Variants in GPC6 observed in about 807,000 individuals in gnomAD.
The protein encoded by GPC6 is glypican 6.
In GPC6, 14 loss-of-function variants were observed where a neutral mutation model predicts 55.2. The ratio of observed to expected loss-of-function variants is 0.25; its 90% CI spans 0.17 to 0.40. The LOEUF (loss-of-function observed/expected upper bound fraction) is 0.40. Among genes scored for constraint, GPC6 ranks in the 10% least tolerant of loss-of-function variants. The pLI is 1.00. For missense variants in GPC6, 641 were observed against 708.5 expected, an observed-to-expected ratio of 0.90 and a Z score of 1.08; for synonymous variants, 278 against 259.6, an observed-to-expected ratio of 1.07 and a Z score of -0.68.
rs115048548 is a variant in GPC6, at chr13:94,273,725, G to T, written c.878-12624G>T. Among the ~76,000 whole-genome samples the T allele has an allele frequency of 8.0e-3, 1,221 of 152,224 alleles. 26 individuals carry two copies. The highest frequency in any genetic ancestry group is 0.028 in the African/African-American group (1,153 of 41,526). ...TGTTTACATTTAATGAGTTGCTTTGGGTTGGTCCAAATTAATCCACTAGCT... is the reference window on the plus strand; with the variant it reads ...TGTTTACATTTAATGAGTTGCTTTGTGTTGGTCCAAATTAATCCACTAGCT... On this transcript the variant is annotated intron_variant, in intron 4 of 8. Coordinates refer to ENST00000377047, the MANE Select transcript of GPC6 (RefSeq NM_005708.5).
At chr13:93,576,602 T>C (rs1259045003) in intron 2 of GPC6, among the ~76,000 whole-genome samples, 2 of 152,160 alleles carry the variant, frequency 1.3e-5, no homozygotes, top group East Asian at 1.9e-4. Context: ...TTATTATTGA[T>C]AGTTCAGAAA....
chr13:93,975,080 A>T (rs1207787382), intron 3 of GPC6, among the ~76,000 whole-genome samples: 4 of 151,842 alleles, frequency 2.6e-5, no homozygotes, highest in East Asian at 3.9e-4. Context: ...AGAAATGAAA[A>T]CTCTCCTGGA....
intron 2 of GPC6, among the ~76,000 whole-genome samples, chr13:93,660,848 C>A (rs1169380755): frequency 1.3e-5 from 2 of 152,134 alleles, no homozygotes; most frequent in Non-Finnish European, 2.9e-5. Context: ...TTTATTTTTC[C>A]TTCAAAATGA....
intron 1 of GPC6, among the ~76,000 whole-genome samples, chr13:93,363,023 C>T (rs528558954): frequency 3.3e-5 from 5 of 151,678 alleles, no homozygotes; most frequent in Non-Finnish European, 7.4e-5. Flanking sequence ...TTTTAAATGG[C>T]TGCAAAATGT....
chr13:93,405,546 G>A (rs1026513150), intron 1 of GPC6, among the ~76,000 whole-genome samples: 2 of 152,168 alleles, frequency 1.3e-5, no homozygotes, highest in South Asian at 2.1e-4. Flanking sequence ...CATTTTGTCC[G>A]TGCACACTGG....
At chr13:93,335,605 C>T (rs1566304929) in intron 1 of GPC6, among the ~76,000 whole-genome samples, 1 of 152,152 alleles carries the variant, frequency 6.6e-6, no homozygotes, top group South Asian at 2.1e-4. Flanking sequence ...CCAAATAGGT[C>T]CTCTGACCTC....
At chr13:93,248,418 T>G (rs561791452) in intron 1 of GPC6, among the ~76,000 whole-genome samples, 1 of 149,872 alleles carries the variant, frequency 6.7e-6, no homozygotes, top group African/African-American at 2.5e-5. Flanking sequence ...TTCTGTACTT[T>G]AAAAGGCCCA....
chr13:93,517,073 T>TGCATTCATA (rs1881230971), intron 1 of GPC6, among the ~76,000 whole-genome samples: 3 of 43,334 alleles, frequency 6.9e-5, no homozygotes, highest in Non-Finnish European at 1.8e-4. Flanking sequence ...TATTTTTAGA[T>TGCATTCATA]GCATTCATAG....
chr13:93,560,921 T>A (rs1875750370), intron 2 of GPC6, among the ~76,000 whole-genome samples: 1 of 152,220 alleles, frequency 6.6e-6, no homozygotes, highest in South Asian at 2.1e-4. Flanking sequence ...TTTTCTGCTC[T>A]CTTCCCCAGT....
intron 2 of GPC6, among the ~76,000 whole-genome samples, chr13:93,546,968 C>CA (rs200313448): frequency 3.2e-5 from 4 of 123,804 alleles, no homozygotes; most frequent in Admixed American, 7.7e-5. Flanking sequence ...TATTCTTTAA[C>CA]AAAAAAATAT....
chr13:93,722,841 A>G (rs1487722732), intron 2 of GPC6, among the ~76,000 whole-genome samples: 1 of 151,534 alleles, frequency 6.6e-6, no homozygotes, highest in Non-Finnish European at 1.5e-5. Flanking sequence ...CATCGCTCCA[A>G]TCTCTGCCTC....
intron 2 of GPC6, among the ~76,000 whole-genome samples, chr13:93,623,184 A>G (rs532292355): frequency 6.6e-6 from 1 of 152,258 alleles, no homozygotes; most frequent in African/African-American, 2.4e-5. Context: ...AGTTGACCCT[A>G]TATCTTAGCT....
chr13:93,351,451 G>C (rs1186517163), intron 1 of GPC6, among the ~76,000 whole-genome samples: 1 of 152,066 alleles, frequency 6.6e-6, no homozygotes, highest in Non-Finnish European at 1.5e-5. Context: ...GGAAGGCAGG[G>C]ACAGGGAGAG....
intron 2 of GPC6, among the ~76,000 whole-genome samples, chr13:93,785,557 A>G (rs1394881799): frequency 1.3e-5 from 2 of 152,358 alleles, no homozygotes; most frequent in South Asian, 2.1e-4. Context: ...GGAGAAGGAA[A>G]GAAAAGCAAG....
rs550648234 is a variant in GPC6 at position 93,417,525 on chromosome 13, A to G, written c.161-127738A>G. 2.6e-5 allele frequency among the ~76,000 whole-genome samples: 4 copies of G among 152,222 alleles called. No individual in the cohort carries two copies. In the South Asian group the frequency reaches 6.2e-4, roughly 24 times the overall value. Reference sequence around the variant, plus strand: ...TTCTTTTTCTGTGAGTTACTGTTCCAGTCTGGTTCCTCCTGTGCTGAATTA... The same window carrying G: ...TTCTTTTTCTGTGAGTTACTGTTCCGGTCTGGTTCCTCCTGTGCTGAATTA... On this transcript the variant is annotated intron_variant, in intron 1 of 8. Transcript: ENST00000377047.
At chr13:93,980,779 G>T (rs1034502099) in intron 3 of GPC6, among the ~76,000 whole-genome samples, 1 of 152,150 alleles carries the variant, frequency 6.6e-6, no homozygotes, top group South Asian at 2.1e-4. Context: ...TTGCCCAGAG[G>T]CAGGATTTAC....
chr13:94,302,322 T>A (rs1875693737), intron 5 of GPC6, among the ~76,000 whole-genome samples: 1 of 152,180 alleles, frequency 6.6e-6, no homozygotes, highest in Non-Finnish European at 1.5e-5. Flanking sequence ...CACTGTGTCC[T>A]CACATGAGAC....
At chr13:93,842,703 G>A (rs922491869) in intron 3 of GPC6, among the ~76,000 whole-genome samples, 1 of 151,812 alleles carries the variant, frequency 6.6e-6, no homozygotes, top group Non-Finnish European at 1.5e-5. Context: ...AAATTACTGA[G>A]GAAATTTAAG....
intron 7 of GPC6, among the ~76,000 whole-genome samples, chr13:94,393,398 A>G (rs1378681027): frequency 1.3e-5 from 2 of 152,164 alleles, no homozygotes; most frequent in Admixed American, 1.3e-4. Context: ...GAAGGAAAAA[A>G]TGGGGGGTCT....
Sources: allele counts gnomAD v4.1 joint callset (sites outside exome capture counted in the v4.1 genomes callset), GRCh38; gene constraint gnomAD v4.1.1; transcripts MANE v1.5; gene names NCBI Gene and HGNC (gene_info 2026-07-23, HGNC 2026-07-21).